The following FSTL5 variants were observed in gnomAD, a reference collection of about 807,000 sequenced individuals.
The protein encoded by FSTL5 is follistatin-related protein 5.
A neutral mutation model predicts 89.1 loss-of-function variants in FSTL5; 62 were observed. The ratio of observed to expected loss-of-function variants is 0.70; its 90% CI spans 0.57 to 0.86. The LOEUF is 0.86. FSTL5 is among the 40% of genes least tolerant of loss of function. The pLI is 0.00. For missense variants in FSTL5, 1,057 were observed against 1,001.6 expected, an observed-to-expected ratio of 1.06 and a Z score of -0.75; for synonymous variants, 383 against 346.2, an observed-to-expected ratio of 1.11 and a Z score of -1.18.
intron 6 of FSTL5, among the ~76,000 whole-genome samples, chr4:161,659,880 G>A (rs968179302): frequency 6.6e-6 from 1 of 152,098 alleles, no homozygotes; most frequent in African/African-American, 2.4e-5. Context: ...GCTTATGCTA[G>A]TTATGTACAG....
At chr4:161,386,934 A>G (rs1320984993) in intron 15 of FSTL5, 1 of 156,006 alleles carries the variant, frequency 6.4e-6, no homozygotes, top group African/African-American at 2.4e-5. Context: ...AAATTTAAGT[A>G]TAACATTTTT....
intron 10 of FSTL5, among the ~76,000 whole-genome samples, chr4:161,535,047 C>T (rs1731549175): frequency 6.6e-6 from 1 of 152,108 alleles, no homozygotes; most frequent in Non-Finnish European, 1.5e-5. Flanking sequence ...GTACCGCTAC[C>T]TCTTACCATA....
intron 5 of FSTL5, among the ~76,000 whole-genome samples, chr4:161,768,766 T>G (rs542387722): frequency 6.6e-6 from 1 of 150,960 alleles, no homozygotes; most frequent in South Asian, 2.1e-4. Context: ...ATAAAGAATC[T>G]TAAAGAACTT....
At chr4:161,463,533 T>C (rs1733649856) in intron 13 of FSTL5, among the ~76,000 whole-genome samples, 1 of 152,140 alleles carries the variant, frequency 6.6e-6, no homozygotes, top group South Asian at 2.1e-4. Context: ...CAATTTTCAG[T>C]CAGAAAAGCC....
intron 2 of FSTL5, among the ~76,000 whole-genome samples, chr4:162,098,556 G>C (rs1382823712): frequency 6.6e-6 from 1 of 151,914 alleles, no homozygotes; most frequent in Non-Finnish European, 1.5e-5. Context: ...GTTATTTTGT[G>C]GATATCAATA....
At chr4:161,649,039 A>G (rs1265144268) in intron 7 of FSTL5, among the ~76,000 whole-genome samples, 1 of 152,200 alleles carries the variant, frequency 6.6e-6, no homozygotes, top group East Asian at 1.9e-4. Context: ...TATAGCTACT[A>G]GTGTCAGATA....
chr4:161,790,233 G>T (rs969347632), intron 4 of FSTL5, among the ~76,000 whole-genome samples: 6 of 152,142 alleles, frequency 3.9e-5, no homozygotes, highest in Admixed American at 2.6e-4. Context: ...TTTTCAAATT[G>T]CCATGCACTT....
intron 7 of FSTL5, among the ~76,000 whole-genome samples, chr4:161,592,059 CAA>C (rs1733840766): frequency 6.6e-6 from 1 of 151,934 alleles, no homozygotes; most frequent in African/African-American, 2.4e-5. Context: ...ACGCTCAAAA[CAA>C]AAGAGGTCAA....
intron 3 of FSTL5, among the ~76,000 whole-genome samples, chr4:161,980,261 AAAAGAAAG>A (rs60880931): frequency 0.011 from 1,672 of 147,774 alleles, 28 homozygotes; most frequent in Admixed American, 0.037. Context: ...GAAGAAAGAA[AAAAGAAAG>A]AAAGAAAGAA....
chr4:162,054,784 G>T (rs920850290), intron 2 of FSTL5, among the ~76,000 whole-genome samples: 1 of 151,752 alleles, frequency 6.6e-6, no homozygotes, highest in Non-Finnish European at 1.5e-5. Flanking sequence ...CCTGGGTAAC[G>T]TGTCTGAAAT....
Position 161,832,889 on chromosome 4 carries a change from GCT to G in FSTL5, c.410-56817_410-56816del, listed in dbSNP as rs1253867375. Among the ~76,000 whole-genome samples, 6 of 149,228 alleles carry G rather than the reference GCT, an allele frequency of 4.0e-5. No individual in the cohort carries two copies. The East Asian group carries it at 1.2e-3, about 30-fold the overall frequency. On this transcript the variant is annotated intron_variant, in intron 4 of 15. Transcript: ENST00000306100. ...TTGTGTCTCTATTTCCTTCAGTTCT[GCT>G]CTGATTTTAGTTATTTCTGGCCTTC...
At chr4:161,526,820 A>G (rs886395427) in intron 10 of FSTL5, among the ~76,000 whole-genome samples, 31 of 152,144 alleles carry the variant, frequency 2.0e-4, no homozygotes, top group Non-Finnish European at 1.3e-4. Context: ...CTGTTTTGGT[A>G]CCAGTACCAT....
At chr4:161,743,637 G>T (rs764350962) in intron 6 of FSTL5, among the ~76,000 whole-genome samples, 4 of 151,702 alleles carry the variant, frequency 2.6e-5, no homozygotes, top group Non-Finnish European at 5.9e-5. Context: ...TACATTGAAT[G>T]GTATTGTTAT....
chr4:162,103,184 A>C (rs1299135309), intron 2 of FSTL5, among the ~76,000 whole-genome samples: 1 of 152,224 alleles, frequency 6.6e-6, no homozygotes, highest in African/African-American at 2.4e-5. Context: ...AGTTAAGCAA[A>C]GCAATTCAGT....
At chr4:161,421,947 G>A (rs1242107284) in intron 15 of FSTL5, among the ~76,000 whole-genome samples, 2 of 151,954 alleles carry the variant, frequency 1.3e-5, no homozygotes, top group Non-Finnish European at 2.9e-5. Context: ...CAGATTGTGG[G>A]ACTTTTCAGC....
chr4:162,042,597 C>G (rs1738006532), intron 2 of FSTL5, among the ~76,000 whole-genome samples: 1 of 151,900 alleles, frequency 6.6e-6, no homozygotes, highest in African/African-American at 2.4e-5. Context: ...TTAAGCATAA[C>G]AGATAATTGA....
chr4:161,407,347 A>G (rs1298148884), intron 15 of FSTL5, among the ~76,000 whole-genome samples: 1 of 152,156 alleles, frequency 6.6e-6, no homozygotes, highest in Non-Finnish European at 1.5e-5. Flanking sequence ...TACTACACCA[A>G]CATAATTTGA....
At chr4:161,486,342 C>G (rs1560918945) in intron 12 of FSTL5, among the ~76,000 whole-genome samples, 1 of 151,846 alleles carries the variant, frequency 6.6e-6, no homozygotes, top group Non-Finnish European at 1.5e-5. Context: ...GGAGATTCAC[C>G]CATGTTTCTT....
At chr4:162,045,756 T>C (rs200372464) in intron 2 of FSTL5, among the ~76,000 whole-genome samples, 1 of 152,284 alleles carries the variant, frequency 6.6e-6, no homozygotes, top group East Asian at 1.9e-4. Flanking sequence ...TAAAGAGGTA[T>C]GCTTGTTGCT....
Sources: allele counts gnomAD v4.1 joint callset (sites outside exome capture counted in the v4.1 genomes callset), GRCh38; gene constraint gnomAD v4.1.1; transcripts MANE v1.5; gene names NCBI Gene and HGNC (gene_info 2026-07-23, HGNC 2026-07-21).